QKI: variants seen among roughly 807,000 people sequenced by gnomAD.
QKI encodes KH domain-containing RNA-binding protein QKI.
In QKI, 10 loss-of-function variants were observed where a neutral mutation model predicts 39.0. That is an observed-to-expected ratio of 0.26 (90% CI 0.16 to 0.43). QKI has a LOEUF of 0.43. QKI is among the 20% of genes least tolerant of loss of function. The pLI, the probability that QKI is intolerant of heterozygous loss-of-function variation, is 1.00. For synonymous variants in QKI, 204 were observed against 155.4 expected (o/e 1.31, Z -2.33); for missense variants, 218 against 428.0 (o/e 0.51, Z 4.33).
chr6:163,524,135 C>T (rs767745020), intron 3 of QKI, among the ~76,000 whole-genome samples: 33 of 152,096 alleles, frequency 2.2e-4, no homozygotes, highest in Non-Finnish European at 4.0e-4. Flanking sequence ...CTGTACCGGT[C>T]GTCCTTTACG....
chr6:163,547,152 G>A (rs938818867), intron 4 of QKI, among the ~76,000 whole-genome samples: 2 of 152,074 alleles, frequency 1.3e-5, no homozygotes, highest in African/African-American at 4.8e-5. Flanking sequence ...AAAATACTTT[G>A]ATTTTTTAAT....
intron 2 of QKI, among the ~76,000 whole-genome samples, chr6:163,460,790 T>C (rs1791293019): frequency 6.6e-6 from 1 of 152,186 alleles, no homozygotes; most frequent in Non-Finnish European, 1.5e-5. Flanking sequence ...TAACAAATGA[T>C]ATTAAATCAA....
At chr6:163,567,891 G>A (rs2128252062) in intron 7 of QKI, 1 of 985,588 alleles carries the variant, frequency 1.0e-6, no homozygotes, top group Non-Finnish European at 1.2e-6. Flanking sequence ...ATTACCTTGA[G>A]TACTGATGAT....
intron 2 of QKI, among the ~76,000 whole-genome samples, chr6:163,457,899 G>T (rs1431521870): frequency 1.3e-5 from 2 of 152,104 alleles, no homozygotes; most frequent in African/African-American, 4.8e-5. Flanking sequence ...GTGTATGGAA[G>T]GAGGTATTCA....
chr6:163,490,231 A>T (rs1181921796), intron 3 of QKI, among the ~76,000 whole-genome samples: 1 of 152,184 alleles, frequency 6.6e-6, no homozygotes, highest in Non-Finnish European at 1.5e-5. Context: ...TAATTCCATG[A>T]TATTTCAGTA....
intron 2 of QKI, among the ~76,000 whole-genome samples, chr6:163,463,575 G>C (rs1292303362): frequency 6.6e-6 from 1 of 152,160 alleles, no homozygotes; most frequent in African/African-American, 2.4e-5. Context: ...TGCGAATTAG[G>C]ATATCCTAAA....
chr6:163,543,115 G>T (rs987711595), intron 4 of QKI, among the ~76,000 whole-genome samples: 6 of 152,016 alleles, frequency 3.9e-5, no homozygotes, highest in African/African-American at 1.4e-4. Context: ...GAATGAGAAG[G>T]TAACAGACAT....
At chr6:163,485,633 C>T (rs1030339501) in intron 3 of QKI, among the ~76,000 whole-genome samples, 1 of 152,178 alleles carries the variant, frequency 6.6e-6, no homozygotes, top group African/African-American at 2.4e-5. Flanking sequence ...TCCTTCTCAC[C>T]TCCTTTTTCT....
rs1182226039 is a variant in QKI, at chr6:163,542,120, G to A, written c.546+6995G>A. The stretch of plus-strand genomic sequence containing the variant: ...TGTCAATATAGGTTTTTATTTACAA[G>A]GAATAGTAGCCCCCCCAAAAAATGA... On this transcript the variant is annotated intron_variant, in intron 4 of 7. Transcript: ENST00000361752. Among the ~76,000 whole-genome samples, 5 of 151,696 alleles carry A rather than the reference G, an allele frequency of 3.3e-5. No homozygotes were observed. In the East Asian group the frequency reaches 7.7e-4, roughly 23 times the overall value.
At chr6:163,417,130 ACTTTC>A (rs745457744) in intron 1 of QKI, among the ~76,000 whole-genome samples, 1 of 152,180 alleles carries the variant, frequency 6.6e-6, no homozygotes, top group East Asian at 1.9e-4. Flanking sequence ...CATTGAAAAT[ACTTTC>A]CTTAAAATTA....
chr6:163,467,792 C>A (rs60058520), intron 2 of QKI, among the ~76,000 whole-genome samples: 3,107 of 152,276 alleles, frequency 0.02, 103 homozygotes, highest in African/African-American at 0.07. Context: ...CTCCAACTTA[C>A]AATGGTCTGA....
At chr6:163,525,175 A>G (rs1270299898) in intron 3 of QKI, among the ~76,000 whole-genome samples, 1 of 152,088 alleles carries the variant, frequency 6.6e-6, no homozygotes, top group Non-Finnish European at 1.5e-5. Flanking sequence ...ACAGTGAACC[A>G]TGTGCTGCCA....
chr6:163,565,437 T>C (rs970896701), intron 6 of QKI: 3 of 986,292 alleles, frequency 3.0e-6, no homozygotes, highest in Non-Finnish European at 3.6e-6. Context: ...TATGATTACC[T>C]TATCTAAAAT....
At chr6:163,565,722 A>C in intron 6 of QKI, 2 of 1,216,914 alleles carry the variant, frequency 1.6e-6, no homozygotes, top group Non-Finnish European at 2.1e-6. Flanking sequence ...GATATTGACC[A>C]CTTGGAGAAC....
intron 3 of QKI, among the ~76,000 whole-genome samples, chr6:163,520,419 A>AT (rs556422234): frequency 2.3e-4 from 35 of 152,168 alleles, no homozygotes; most frequent in South Asian, 6.2e-4. Flanking sequence ...GAAGTTCAGG[A>AT]TTTTTTTTAA....
chr6:163,459,794 C>T (rs373544682), intron 2 of QKI, among the ~76,000 whole-genome samples: 3 of 152,118 alleles, frequency 2.0e-5, no homozygotes, highest in East Asian at 3.9e-4. Flanking sequence ...GAAGGATAAA[C>T]GATTAAATTA....
intron 1 of QKI, among the ~76,000 whole-genome samples, chr6:163,434,105 G>T (rs1456479792): frequency 6.6e-6 from 1 of 152,066 alleles, no homozygotes; most frequent in African/African-American, 2.4e-5. Flanking sequence ...TTTGCTGGGT[G>T]CTGGGGGGAT....
At chr6:163,519,974 T>G (rs1780050708) in intron 3 of QKI, among the ~76,000 whole-genome samples, 1 of 152,162 alleles carries the variant, frequency 6.6e-6, no homozygotes, top group Admixed American at 6.5e-5. Context: ...GAAACATGGC[T>G]TTAAGCACTA....
intron 4 of QKI, among the ~76,000 whole-genome samples, chr6:163,539,174 C>T (rs1181576320): frequency 6.6e-6 from 1 of 152,122 alleles, no homozygotes; most frequent in African/African-American, 2.4e-5. Context: ...CAAGGGAGAG[C>T]AAAGCGGGGA....
Sources: allele counts gnomAD v4.1 joint callset (sites outside exome capture counted in the v4.1 genomes callset), GRCh38; gene constraint gnomAD v4.1.1; transcripts MANE v1.5; gene names NCBI Gene and HGNC (gene_info 2026-07-23, HGNC 2026-07-21).